NLRC4: variants seen among roughly 807,000 people sequenced by gnomAD.
The protein encoded by NLRC4 is NLR family CARD domain-containing protein 4.
Under a neutral mutation model 79.9 loss-of-function variants are expected in NLRC4, and 63 were observed. That is an observed-to-expected ratio of 0.79 (90% confidence interval 0.64 to 0.97). The LOEUF is 0.97. Among genes scored for constraint, NLRC4 ranks in the 50% least tolerant of loss-of-function variants. The pLI is 0.00. For synonymous variants in NLRC4, 461 were observed against 456.5 expected (o/e 1.01, Z -0.12); for missense variants, 1,074 against 1,215.2 (o/e 0.88, Z 1.73).
rs1444828817 is a variant in NLRC4 at position 32,252,304 on chromosome 2, C to G, written c.262+115G>C. ...CTTTTCCTTAGCAGGTATCAAAGGC[C>G]ACTGCCAGGTGATATGAAGAGAAGG... is the stretch of plus-strand genomic sequence containing the variant. On this transcript the variant is annotated intron_variant, in intron 3 of 8. Coordinates refer to ENST00000402280, the MANE Select transcript of NLRC4 (RefSeq NM_001199138.2). 19 of 760,680 alleles carry G rather than the reference C, an allele frequency of 2.5e-5. No individual in the cohort carries two copies. The East Asian group carries it at 4.7e-4, about 19-fold the overall frequency. 47.1% of individuals were successfully genotyped at this position (760,680 alleles called of 1,614,324 possible). A position where few individuals can be genotyped will look rare whatever the true frequency, so the allele number is the denominator to read the frequency against.
At chr2:32,253,739 C>T (rs865827741) in intron 2 of NLRC4, among the ~76,000 whole-genome samples, 5 of 151,872 alleles carry the variant, frequency 3.3e-5, no homozygotes, top group East Asian at 2.0e-4. Context: ...CCAAGGCGGG[C>T]GGATCACCAG....
At chr2:32,233,353 T>A (rs1365318603) in intron 8 of NLRC4, among the ~76,000 whole-genome samples, 727 of 39,002 alleles carry the variant, frequency 0.019, 1 homozygote, top group East Asian at 0.028. Context: ...ATATATATTT[T>A]TTTTTTTTTT....
intron 8 of NLRC4, 133 bp downstream of exon 8, chr2:32,235,268 A>G (rs1686645162): frequency 3.0e-6 from 2 of 664,760 alleles, no homozygotes; most frequent in Non-Finnish European, 5.4e-6. Flanking sequence ...ACGTGAATGA[A>G]TTCATTAGAC....
intron 2 of NLRC4, among the ~76,000 whole-genome samples, chr2:32,254,752 G>C (rs1165195153): frequency 6.6e-6 from 1 of 151,484 alleles, no homozygotes; most frequent in Non-Finnish European, 1.5e-5. Context: ...CCAAGCAGCT[G>C]GGATTACAGG....
intron 8 of NLRC4, 107 bp from the exon 9 acceptor site, chr2:32,224,872 C>T: frequency 1.5e-6 from 1 of 655,096 alleles, no homozygotes; most frequent in South Asian, 2.4e-5. Context: ...TCTGAAATGG[C>T]CATGTTTGAA....
At chr2:32,228,412 C>T (rs1686453697) in intron 8 of NLRC4, among the ~76,000 whole-genome samples, 1 of 152,172 alleles carries the variant, frequency 6.6e-6, no homozygotes, top group South Asian at 2.1e-4. Flanking sequence ...AATTCACCGC[C>T]TCCCTTAGAC....
At chr2:32,252,250 A>T (rs1205692206) in intron 3 of NLRC4, among the ~76,000 whole-genome samples, 169 bp downstream of exon 3, 1 of 152,236 alleles carries the variant, frequency 6.6e-6, no homozygotes, top group Non-Finnish European at 1.5e-5. Context: ...CAATTGATCT[A>T]CTATGAGTTT....
chr2:32,234,347 A>G (rs1573473220), intron 8 of NLRC4, among the ~76,000 whole-genome samples: 1 of 152,020 alleles, frequency 6.6e-6, no homozygotes, highest in East Asian at 1.9e-4. Context: ...GCGCAACTGC[A>G]CTCCAGCCTG....
At chr2:32,260,213 C>CAAAAAAAAAAAAAAAAAAAAAA (rs1197388989) in intron 1 of NLRC4, among the ~76,000 whole-genome samples, 3 of 75,078 alleles carry the variant, frequency 4.0e-5, no homozygotes, top group African/African-American at 6.1e-5. Flanking sequence ...TGGGCAACGA[C>CAAAAAAAAAAAAAAAAAAAAAA]AAAAAAAAAA....
intron 8 of NLRC4, among the ~76,000 whole-genome samples, chr2:32,231,577 G>GGGGT: frequency 8.7e-6 from 1 of 115,196 alleles, no homozygotes; most frequent in Non-Finnish European, 1.8e-5. Context: ...TTTTTTGTGG[G>GGGGT]GGGGGGGTGG....
At chr2:32,226,544 GAC>G (rs1197330813) in intron 8 of NLRC4, among the ~76,000 whole-genome samples, 1 of 152,224 alleles carries the variant, frequency 6.6e-6, no homozygotes, top group Non-Finnish European at 1.5e-5. Flanking sequence ...CAGTGTCACT[GAC>G]ACCATCTTTG....
chr2:32,228,557 G>A (rs1686456806), intron 8 of NLRC4, among the ~76,000 whole-genome samples: 1 of 152,114 alleles, frequency 6.6e-6, no homozygotes, highest in Non-Finnish European at 1.5e-5. Flanking sequence ...AAGAAATCAG[G>A]CACTGTAGAA....
In NLRC4 at chr2:32,259,262, ATTTTT is replaced by A. The variant is rs57570626; in HGVS notation, c.-118-2374_-118-2370del. ...AGGTGTGTGCCACCATGCCTGGCTA[ATTTTT>A]TTTTTTTTTTTTTTTTTTTTTTTAG... On this transcript the variant is annotated intron_variant, in intron 1 of 8. Coordinates refer to ENST00000402280, the MANE Select transcript of NLRC4 (RefSeq NM_001199138.2). Among the ~76,000 whole-genome samples, 86 of 52,894 alleles carry A rather than the reference ATTTTT, an allele frequency of 1.6e-3. 4 individuals carry two copies. The highest frequency in any genetic ancestry group is 0.018 in the Middle Eastern group (2 of 110). The allele number at this position is 52,894 out of a possible 152,430, so 34.7% of individuals were successfully genotyped here. A position where few individuals can be genotyped will look rare whatever the true frequency, so the allele number is the denominator to read the frequency against.
chr2:32,224,939 G>T (rs1206427894), intron 8 of NLRC4, among the ~76,000 whole-genome samples, 174 bp from the exon 9 acceptor site: 2 of 152,162 alleles, frequency 1.3e-5, no homozygotes, highest in African/African-American at 4.8e-5. Flanking sequence ...CTAGGGCAGT[G>T]ATTGTGAATA....
chr2:32,240,081 A>G (rs961048817), intron 5 of NLRC4, among the ~76,000 whole-genome samples: 1 of 152,114 alleles, frequency 6.6e-6, no homozygotes, highest in Non-Finnish European at 1.5e-5. Context: ...CCTGAGTTCA[A>G]GTGATTATCC....
Position 32,256,765 on chromosome 2 carries a change from A to G in NLRC4, c.1+10T>C, listed in dbSNP as rs1430132339. 1.3e-6 allele frequency: 1 copy of G among 780,978 alleles called. No individual in the cohort carries two copies. Among genetic ancestry groups the G allele is most frequent in the Non-Finnish European group, 2.4e-6 (1 of 418,072 alleles). 48.4% of individuals were successfully genotyped at this position (780,978 alleles called of 1,614,324 possible). A position where few individuals can be genotyped will look rare whatever the true frequency, so the allele number is the denominator to read the frequency against. ...TATAACCAGGCAGATGTTATTTCTC[A>G]TATACTTACTTGTTCTGGATGAAAG... On this transcript the variant is annotated intron_variant, in intron 2 of 8. Coordinates refer to ENST00000402280, the MANE Select transcript of NLRC4 (RefSeq NM_001199138.2).
chr2:32,235,724 A>C (rs1686658028), intron 7 of NLRC4, among the ~76,000 whole-genome samples, 156 bp from the exon 8 acceptor site: 1 of 151,582 alleles, frequency 6.6e-6, no homozygotes, highest in African/African-American at 2.4e-5. Context: ...TTTTTTGGAA[A>C]GTATTCAAGC....
chr2:32,243,298 T>C (rs1015878806), intron 4 of NLRC4, among the ~76,000 whole-genome samples: 3 of 150,672 alleles, frequency 2.0e-5, no homozygotes, highest in Non-Finnish European at 4.4e-5. Context: ...TAATCCCAGC[T>C]AGTCCAGAGG....
At chr2:32,252,878 C>T (rs886749900) in intron 2 of NLRC4, among the ~76,000 whole-genome samples, 199 bp from the exon 3 acceptor site, 32 of 151,590 alleles carry the variant, frequency 2.1e-4, no homozygotes, top group African/African-American at 6.5e-4. Flanking sequence ...ATTAGCCGGG[C>T]GTGGTGGCGG....
Sources: gnomAD v4.1 joint callset for allele counts (sites outside exome capture counted in the v4.1 genomes callset) on GRCh38, gnomAD v4.1.1 for gene constraint, MANE v1.5 for transcripts, NCBI Gene and HGNC (gene_info 2026-07-23, HGNC 2026-07-21) for gene names.